The following NUP210 variants were observed in gnomAD, a reference collection of about 807,000 sequenced individuals.
The protein encoded by NUP210 is nuclear pore membrane glycoprotein 210.
A neutral mutation model predicts 196.0 loss-of-function variants in NUP210; 151 were observed. The ratio of observed to expected loss-of-function variants is 0.77; its 90% CI spans 0.67 to 0.88. The LOEUF (loss-of-function observed/expected upper bound fraction) is 0.88. Ranked by LOEUF, NUP210 falls within the 40% of genes least tolerant of loss-of-function variation. The pLI is 0.00. For synonymous variants in NUP210, 1,070 were observed against 1,052.7 expected (o/e 1.02, Z -0.32); for missense variants, 2,314 against 2,493.7 (o/e 0.93, Z 1.53).
chr3:13,376,752 A>C (rs1698924501), intron 9 of NUP210, among the ~76,000 whole-genome samples: 1 of 152,208 alleles, frequency 6.6e-6, no homozygotes, highest in Non-Finnish European at 1.5e-5. Flanking sequence ...TACAAAAAAA[A>C]GGACATCACG....
At chr3:13,397,526 GTC>G (rs1276338708) in intron 2 of NUP210, 38 bp from the exon 3 acceptor site, 5 of 1,524,708 alleles carry the variant, frequency 3.3e-6, no homozygotes, top group Non-Finnish European at 4.4e-6. Flanking sequence ...ACCAAAGACA[GTC>G]CCCGCCCCTG....
At chr3:13,341,575 G>T (rs945269677) in intron 23 of NUP210, among the ~76,000 whole-genome samples, 173 bp downstream of exon 23, 5 of 152,216 alleles carry the variant, frequency 3.3e-5, no homozygotes, top group African/African-American at 4.8e-5. Flanking sequence ...GTCTAACTTT[G>T]CTGCCTCCCA....
At position 13,372,095 on chromosome 3, in the gene NUP210, C is replaced by T. The variant is rs1296375182; in HGVS notation, c.1588-63G>A. ...CACAGGAGAGGCAGGGCCTGTTGCT[C>T]GGATATCCTAAGTGCTGCTGTGTGC... On this transcript the variant is annotated intron_variant, in intron 12 of 39. Coordinates refer to ENST00000254508, the MANE Select transcript of NUP210 (RefSeq NM_024923.4). 7.1e-6 allele frequency: 10 copies of T among 1,416,098 alleles called. No homozygotes were observed. In the African/African-American group the frequency reaches 7.1e-5, roughly 10 times the overall value. 87.7% of individuals were successfully genotyped at this position (1,416,098 alleles called of 1,614,324 possible).
intron 15 of NUP210, 38 bp from the exon 16 acceptor site, chr3:13,358,433 G>C (rs1312955866): frequency 6.4e-7 from 1 of 1,569,720 alleles, no homozygotes; most frequent in East Asian, 2.3e-5. Context: ...CCCCAAGCTT[G>C]AGTTCTCACT....
intron 18 of NUP210, 56 bp from the exon 19 acceptor site, chr3:13,352,240 C>A (rs116329571): frequency 7.3e-7 from 1 of 1,365,834 alleles, no homozygotes; most frequent in Non-Finnish European, 1.0e-6. Flanking sequence ...GGCTGCCCCT[C>A]GGGAAGAACA....
At chr3:13,329,039 G>A (rs1696892191) in intron 30 of NUP210, 93 bp from the exon 31 acceptor site, 3 of 1,095,358 alleles carry the variant, frequency 2.7e-6, no homozygotes, top group Non-Finnish European at 4.0e-6. Context: ...CCTGCCCCCA[G>A]CAGGATCCAC....
At chr3:13,318,670 G>A (rs928814671) in intron 39 of NUP210, among the ~76,000 whole-genome samples, 1 of 152,192 alleles carries the variant, frequency 6.6e-6, no homozygotes, top group Non-Finnish European at 1.5e-5. Flanking sequence ...TTAGACCATT[G>A]AAATAAATGA....
chr3:13,337,911 C>G lies in NUP210; in HGVS notation c.3478G>C (p.Val1160Leu), dbSNP rs1041553939. The G allele has an allele frequency of 2.5e-6, 4 of 1,612,644 alleles. No individual in the cohort carries two copies. The highest frequency in any genetic ancestry group is 3.4e-6 in the Non-Finnish European group (4 of 1,179,770). The change falls in exon 26 of 40, where the codon GTG becomes CTG. Residue 1160 changes from valine to leucine, a missense_variant. Physicochemically the swap from Val to Leu is conservative, Grantham distance 32 (BLOSUM62 1). Coordinates refer to ENST00000254508, the MANE Select transcript of NUP210 (RefSeq NM_024923.4). ...CTTAGCAGCAGCACCTCCACCTGCA[C>G]GAGGTCCTGGGGAAACAGGGTGGCA... ...GKVVIISQDLVQVEVLLLRAV... is the reference protein window; with the variant it reads ...GKVVIISQDLLQVEVLLLRAV...
intron 11 of NUP210, among the ~76,000 whole-genome samples, chr3:13,374,151 C>G (rs963556404): frequency 6.6e-6 from 1 of 152,110 alleles, no homozygotes; most frequent in Non-Finnish European, 1.5e-5. Flanking sequence ...CACTCATTTA[C>G]TCTCATGCTC....
At chr3:13,337,038 G>GAGC in intron 26 of NUP210, 120 bp from the exon 27 acceptor site, 1 of 1,261,484 alleles carries the variant, frequency 7.9e-7, no homozygotes, top group Non-Finnish European at 1.1e-6. Flanking sequence ...AACTAGAGAA[G>GAGC]AGCATGGCAC....
At chr3:13,390,456 C>T (rs552619091) in intron 4 of NUP210, among the ~76,000 whole-genome samples, 1 of 152,368 alleles carries the variant, frequency 6.6e-6, no homozygotes, top group South Asian at 2.1e-4. Flanking sequence ...GCAGAGGACC[C>T]GCGTGGCTCT....
chr3:13,334,404 CTG>C (rs1235108459), intron 28 of NUP210, among the ~76,000 whole-genome samples: 1 of 151,918 alleles, frequency 6.6e-6, no homozygotes, highest in African/African-American at 2.4e-5. Flanking sequence ...GTATGTGTGT[CTG>C]TGTGTGCATG....
chr3:13,379,586 C>T lies in NUP210; in HGVS notation c.953G>A (p.Ser318Asn), dbSNP rs530799486. The change falls in exon 7 of 40, where the codon AGC (serine) becomes AAC (asparagine). Residue 318 changes from serine to asparagine, a missense_variant. Physicochemically the swap from Ser to Asn is conservative, Grantham distance 46. Coordinates refer to ENST00000254508, the MANE Select transcript of NUP210 (RefSeq NM_024923.4). This position sits in a 1 kb window ranked among gnomAD's most constrained non-coding sequence, Gnocchi z 4.2. The part of the protein sequence containing the change: ...SMVTALQLGQ[S>N]SLVLGHRSIR... The stretch of plus-strand genomic sequence containing the variant: ...ATTCCTGTGGCCAAGGACGAGGCTG[C>T]TCTGTCCCAGCTGCAGTGCAGTGAC... 1.2e-5 allele frequency: 19 copies of T among 1,614,190 alleles called. No individual in the cohort carries two copies. In the South Asian group the frequency reaches 1.4e-4, roughly 12 times the overall value.
rs1470193383 is a variant in NUP210, at chr3:13,353,954, C to A, written c.2482G>T (p.Val828Leu). 9.9e-6 allele frequency: 16 copies of A among 1,610,382 alleles called. No homozygotes were observed. The highest frequency in any genetic ancestry group is 1.2e-5 in the Non-Finnish European group (14 of 1,178,306). Residue 828 changes from valine to leucine, a missense_variant, in exon 17 of 40, where the codon GTG becomes TTG. Physicochemically the swap from Val to Leu is conservative, Grantham distance 32. Coordinates refer to ENST00000254508, the MANE Select transcript of NUP210 (RefSeq NM_024923.4). ...SIEPELPMQLVSQDDESGQKK... is the reference protein window; with the variant it reads ...SIEPELPMQLLSQDDESGQKK... ...TGGCCACTCTCATCGTCCTGGGACA[C>A]CAGCTGCATGGGCAGCTCAGGCTCG...
chr3:13,332,816 C>A (rs1697052307), intron 28 of NUP210, among the ~76,000 whole-genome samples: 1 of 152,120 alleles, frequency 6.6e-6, no homozygotes. Flanking sequence ...CTTCAAGGAG[C>A]CTGGAAACAC....
intron 1 of NUP210, among the ~76,000 whole-genome samples, chr3:13,415,358 C>T (rs537891471): frequency 2.6e-5 from 4 of 152,306 alleles, no homozygotes; most frequent in African/African-American, 9.6e-5. Context: ...CACCGTGTGC[C>T]CTCTCCCAGG....
Position 13,411,181 on chromosome 3 carries a change from A to C in NUP210, c.167+8879T>G, listed in dbSNP as rs982443719. ...CAGGAGTTTGAGGTTATAGTGAGCT[A>C]TAATTGTGCCACTGCACTGCAGCCT... On this transcript the variant is annotated intron_variant, in intron 1 of 39. Transcript: ENST00000254508. 7.2e-5 allele frequency among the ~76,000 whole-genome samples: 11 copies of C among 152,000 alleles called. 2 individuals are homozygous for C. Among genetic ancestry groups the C allele is most frequent in the Admixed American group, 4.6e-4 (7 of 15,260 alleles).
In NUP210 at chr3:13,351,867, G is replaced by A. The variant is rs780765222; in HGVS notation, c.2835+12C>T. The stretch of plus-strand genomic sequence containing the variant: ...TGAAAACCAACAGTGGGGACCGATG[G>A]CCCAAGCTTACCATGGCGACACCCC... On this transcript the variant is annotated intron_variant, in intron 20 of 39. Coordinates refer to ENST00000254508, the MANE Select transcript of NUP210 (RefSeq NM_024923.4). 1 of 1,580,668 alleles carries A rather than the reference G, an allele frequency of 6.3e-7. No individual in the cohort carries two copies. The highest frequency in any genetic ancestry group is 8.7e-7 in the Non-Finnish European group (1 of 1,149,850).
intron 1 of NUP210, among the ~76,000 whole-genome samples, chr3:13,416,530 C>T (rs1433072366): frequency 2.0e-5 from 3 of 152,236 alleles, no homozygotes; most frequent in African/African-American, 2.4e-5. Context: ...TATCCAGCTG[C>T]CCAACAGAGC....
Sources: gnomAD v4.1 joint callset for allele counts (sites outside exome capture counted in the v4.1 genomes callset) on GRCh38, gnomAD v4.1.1 for gene constraint, Gnocchi (gnomAD v3.1) non-coding constraint, MANE v1.5 for transcripts, NCBI Gene and HGNC (gene_info 2026-07-23, HGNC 2026-07-21) for gene names.